GRM5: variants seen among roughly 807,000 people sequenced by gnomAD.
GRM5 encodes glutamate metabotropic receptor 5.
In GRM5, 19 loss-of-function variants were observed where a neutral mutation model predicts 83.1. That is an observed-to-expected ratio of 0.23 (90% CI 0.16 to 0.34). The LOEUF (loss-of-function observed/expected upper bound fraction) is 0.34. Among genes scored for constraint, GRM5 ranks in the 10% least tolerant of loss-of-function variants. The pLI is 1.00. For synonymous variants in GRM5, 675 were observed against 633.6 expected (o/e 1.07, Z -0.98); for missense variants, 1,160 against 1,588.3 (o/e 0.73, Z 4.58).
chr11:88,691,451 C>T (rs1316800726), intron 3 of GRM5, among the ~76,000 whole-genome samples: 1 of 152,114 alleles, frequency 6.6e-6, no homozygotes, highest in Non-Finnish European at 1.5e-5. Context: ...CACTATGCAG[C>T]CAAAGCAATT....
At chr11:88,562,871 A>C (rs1942789554) in intron 8 of GRM5, among the ~76,000 whole-genome samples, 1 of 152,140 alleles carries the variant, frequency 6.6e-6, no homozygotes, top group Non-Finnish European at 1.5e-5. Context: ...GGCAATTCTT[A>C]TGGGACTCTG....
chr11:88,854,424 T>C (rs564863779), intron 2 of GRM5, among the ~76,000 whole-genome samples: 1 of 152,090 alleles, frequency 6.6e-6, no homozygotes, highest in South Asian at 2.1e-4. Context: ...CCCAGTTTTT[T>C]CCTCAGATCG....
At chr11:88,687,167 G>C (rs938241292) in intron 3 of GRM5, among the ~76,000 whole-genome samples, 2 of 151,864 alleles carry the variant, frequency 1.3e-5, no homozygotes, top group South Asian at 4.1e-4. Context: ...AAATCATTCA[G>C]AAGTTCATCA....
At chr11:88,885,743 G>C (rs1262932905) in intron 2 of GRM5, among the ~76,000 whole-genome samples, 5 of 152,012 alleles carry the variant, frequency 3.3e-5, no homozygotes, top group African/African-American at 4.8e-5. Context: ...CAAGGGTTTG[G>C]GAATCCTCAG....
At chr11:88,997,333 T>TAAAAAAAAAA (rs371168643) in intron 2 of GRM5, among the ~76,000 whole-genome samples, 2 of 119,896 alleles carry the variant, frequency 1.7e-5, no homozygotes, top group Non-Finnish European at 1.8e-5. Flanking sequence ...GTCTCAAAAT[T>TAAAAAAAAAA]AAAAAAAAAA....
intron 9 of GRM5, among the ~76,000 whole-genome samples, chr11:88,513,131 TAAAG>T (rs1300799619): frequency 6.6e-6 from 1 of 152,194 alleles, no homozygotes; most frequent in Non-Finnish European, 1.5e-5. Flanking sequence ...TGTCTTGTCT[TAAAG>T]AAAGCTTTCC....
At chr11:88,782,973 A>G (rs1943001618) in intron 3 of GRM5, among the ~76,000 whole-genome samples, 1 of 152,140 alleles carries the variant, frequency 6.6e-6, no homozygotes, top group Admixed American at 6.6e-5. Context: ...ACAGATGACA[A>G]TTGAAGTTTG....
At chr11:88,601,832 T>C (rs1049647776) in intron 5 of GRM5, among the ~76,000 whole-genome samples, 4 of 152,150 alleles carry the variant, frequency 2.6e-5, no homozygotes, top group African/African-American at 9.7e-5. Flanking sequence ...GTAAATATTT[T>C]AGGCTTTGAG....
intron 2 of GRM5, among the ~76,000 whole-genome samples, chr11:88,986,726 GCT>G (rs1939725287): frequency 4.4e-5 from 2 of 45,276 alleles, no homozygotes; most frequent in African/African-American, 1.1e-4. Context: ...GTTTATTTTT[GCT>G]TTTTTTTTTT....
At chr11:88,541,990 T>C (rs1942279147) in intron 8 of GRM5, among the ~76,000 whole-genome samples, 1 of 152,132 alleles carries the variant, frequency 6.6e-6, no homozygotes, top group Non-Finnish European at 1.5e-5. Context: ...TTCTCTTCTC[T>C]CTCCTGCTCC....
chr11:88,819,862 C>A (rs1943756098), intron 3 of GRM5, among the ~76,000 whole-genome samples: 1 of 151,992 alleles, frequency 6.6e-6, no homozygotes, highest in South Asian at 2.1e-4. Flanking sequence ...AAAAGGCGAG[C>A]AAATATGTGT....
intron 2 of GRM5, among the ~76,000 whole-genome samples, chr11:88,860,489 T>C (rs529682941): frequency 6.6e-6 from 1 of 152,210 alleles, no homozygotes; most frequent in Non-Finnish European, 1.5e-5. Flanking sequence ...CCAATGATCC[T>C]TGATTCTAAC....
chr11:88,568,956 T>A (rs940415864), intron 7 of GRM5, among the ~76,000 whole-genome samples: 1 of 152,232 alleles, frequency 6.6e-6, no homozygotes, highest in Non-Finnish European at 1.5e-5. Context: ...ATGGAGTTTT[T>A]AAATTATTCC....
rs866417384 is a variant in GRM5, at chr11:88,567,503, C to T, written c.2180G>A (p.Arg727Gln). 4.3e-6 allele frequency: 7 copies of T among 1,613,722 alleles called. No homozygotes were observed. The highest frequency in any genetic ancestry group is 1.7e-5 in the Admixed American group (1 of 59,994). ...GGTGTTACAGATCAGGTAGACTTCTCGAATGCTTGGGTAGTCATGCATTAT... is the reference window on the plus strand; with the variant it reads ...GGTGTTACAGATCAGGTAGACTTCTTGAATGCTTGGGTAGTCATGCATTAT... ...PDIMHDYPSIREVYLICNTTN... is the reference protein window; with the variant it reads ...PDIMHDYPSIQEVYLICNTTN... The change falls in exon 8 of 10, where the codon CGA becomes CAA. Residue 727 changes from arginine (R) to glutamine (Q), a missense_variant. Physicochemically the swap from Arg to Gln is conservative, Grantham distance 43. This residue lies in a region of GRM5 where 44 missense variants were observed against 41.0 expected (regional missense o/e 1.07). Transcript: ENST00000305447. This position sits in a 1 kb window ranked among gnomAD's most constrained non-coding sequence, Gnocchi z 7.3.
intron 5 of GRM5, among the ~76,000 whole-genome samples, chr11:88,601,195 T>A (rs1173684281): frequency 6.6e-6 from 1 of 152,178 alleles, no homozygotes; most frequent in African/African-American, 2.4e-5. Context: ...TGACACAGAT[T>A]TTTTACCAGG....
chr11:88,628,197 C>A (rs1239061531), intron 4 of GRM5, among the ~76,000 whole-genome samples: 2 of 152,142 alleles, frequency 1.3e-5, no homozygotes, highest in African/African-American at 4.8e-5. Context: ...ATGCCTAGAG[C>A]CCTTAAGTCA....
intron 2 of GRM5, among the ~76,000 whole-genome samples, chr11:88,956,608 C>T (rs1227678009): frequency 6.6e-6 from 1 of 151,838 alleles, no homozygotes; most frequent in African/African-American, 2.4e-5. Flanking sequence ...AAATCGAGAC[C>T]ATCCTGGCTA....
intron 2 of GRM5, among the ~76,000 whole-genome samples, chr11:88,883,527 G>T (rs2135575764): frequency 6.6e-6 from 1 of 152,190 alleles, no homozygotes; most frequent in East Asian, 1.9e-4. Context: ...ATAAAAGTTT[G>T]GAAAATTTTC....
intron 8 of GRM5, among the ~76,000 whole-genome samples, chr11:88,542,318 A>G (rs1942285515): frequency 6.6e-6 from 1 of 152,096 alleles, no homozygotes; most frequent in Non-Finnish European, 1.5e-5. Context: ...AGAACACTAG[A>G]TTAAAGAAAA....
Sources: allele counts gnomAD v4.1 joint callset (sites outside exome capture counted in the v4.1 genomes callset), GRCh38; gene constraint gnomAD v4.1.1; regional missense constraint gnomAD v4.1.1; non-coding constraint Gnocchi (gnomAD v3.1); transcripts MANE v1.5; gene names NCBI Gene and HGNC (gene_info 2026-07-23, HGNC 2026-07-21).